EGFLAM: variants seen among roughly 807,000 people sequenced by gnomAD.
EGFLAM encodes EGF like, fibronectin type III and laminin G domains.
A neutral mutation model predicts 113.1 loss-of-function variants in EGFLAM; 79 were observed. The ratio of observed to expected loss-of-function variants is 0.70; its 90% CI spans 0.58 to 0.84. The LOEUF (loss-of-function observed/expected upper bound fraction) is 0.84, where lower values mean the gene tolerates loss of function less well. EGFLAM is among the 40% of genes least tolerant of loss of function. The pLI, the probability that EGFLAM is intolerant of heterozygous loss-of-function variation, is 0.00. For synonymous variants in EGFLAM, 504 were observed against 487.6 expected, an observed-to-expected ratio of 1.03 and a Z score of -0.44; for missense variants, 1,265 against 1,291.6, an observed-to-expected ratio of 0.98 and a Z score of 0.32.
intron 12 of EGFLAM, among the ~76,000 whole-genome samples, chr5:38,422,808 G>A (rs1217628486): frequency 6.6e-6 from 1 of 152,146 alleles, no homozygotes; most frequent in African/African-American, 2.4e-5. Flanking sequence ...TATCTTGCCT[G>A]TATTGAAAGT....
Position 38,304,127 on chromosome 5 carries a change from TAA to T in EGFLAM, c.98-33380_98-33379del, listed in dbSNP as rs10718399. On this transcript the variant is annotated intron_variant, in intron 1 of 21. Transcript: ENST00000322350. ...CTGGGCAACAAGAACAAAACTCCAT[TAA>T]AAAAAAAAAAAAGAAAGAAAGAAAA... is the stretch of plus-strand genomic sequence containing the variant. Among the ~76,000 whole-genome samples, 574 of 142,736 alleles carry T rather than the reference TAA, an allele frequency of 4.0e-3. 13 individuals are homozygous for T. Among genetic ancestry groups the T allele is most frequent in the Middle Eastern group, 7.0e-3 (2 of 284 alleles). The allele number at this position is 142,736 out of a possible 152,430, so 93.6% of individuals were successfully genotyped here.
intron 6 of EGFLAM, chr5:38,403,755 A>G: frequency 6.4e-7 from 1 of 1,562,328 alleles, no homozygotes; most frequent in Non-Finnish European, 8.7e-7. Context: ...CAGAAAGCAA[A>G]AATACAGATA....
chr5:38,353,708 G>A (rs1418757860), intron 5 of EGFLAM, among the ~76,000 whole-genome samples: 1 of 152,226 alleles, frequency 6.6e-6, no homozygotes, highest in Admixed American at 6.5e-5. Context: ...GAAAAGTCCA[G>A]CAGCAAATCT....
chr5:38,413,683 G>A (rs1741556473), intron 11 of EGFLAM, among the ~76,000 whole-genome samples: 1 of 152,164 alleles, frequency 6.6e-6, no homozygotes, highest in African/African-American at 2.4e-5. Context: ...GAAAGCCTTT[G>A]TTTATATGTC....
intron 6 of EGFLAM, among the ~76,000 whole-genome samples, chr5:38,381,499 C>T (rs890441616): frequency 2.0e-5 from 3 of 152,120 alleles, no homozygotes; most frequent in African/African-American, 7.2e-5. Flanking sequence ...CTAGGGATCT[C>T]AGTAGTCATC....
At chr5:38,278,659 T>G (rs1757945224) in intron 1 of EGFLAM, among the ~76,000 whole-genome samples, 1 of 152,110 alleles carries the variant, frequency 6.6e-6, no homozygotes, top group Non-Finnish European at 1.5e-5. Flanking sequence ...TGGCTAATTT[T>G]TGTACTTTTA....
chr5:38,376,485 A>G (rs141518092), intron 6 of EGFLAM, among the ~76,000 whole-genome samples: 260 of 152,302 alleles, frequency 1.7e-3, no homozygotes, highest in African/African-American at 6.1e-3. Context: ...CACTGAAGTG[A>G]ATTGGTGTCC....
intron 12 of EGFLAM, among the ~76,000 whole-genome samples, chr5:38,424,749 A>G (rs1472193776): frequency 2.6e-5 from 4 of 152,212 alleles, no homozygotes; most frequent in East Asian, 1.9e-4. Flanking sequence ...TAAAGTCTCT[A>G]TGGCTCTTCA....
intron 13 of EGFLAM, 43 bp downstream of exon 13, chr5:38,425,135 A>T: frequency 6.2e-7 from 1 of 1,601,808 alleles, no homozygotes; most frequent in Non-Finnish European, 8.5e-7. Context: ...TCTGCATGTT[A>T]ATTTGTGTAG....
intron 19 of EGFLAM, among the ~76,000 whole-genome samples, chr5:38,456,103 A>G (rs1206785112): frequency 6.6e-6 from 1 of 152,180 alleles, no homozygotes; most frequent in Non-Finnish European, 1.5e-5. Context: ...TCAACCCCGT[A>G]TCCAAGCTGC....
At chr5:38,400,557 C>T (rs759719127) in intron 6 of EGFLAM, among the ~76,000 whole-genome samples, 2 of 152,176 alleles carry the variant, frequency 1.3e-5, no homozygotes, top group Admixed American at 6.5e-5. Flanking sequence ...TTGGTAAAAA[C>T]TTCCTGTAAG....
rs184947507 is a variant in EGFLAM at position 38,354,771 on chromosome 5, G to T, written c.545+2440G>T. Among the ~76,000 whole-genome samples, 135 of 152,248 alleles carry T rather than the reference G, an allele frequency of 8.9e-4. No homozygotes were observed. In the Middle Eastern group the frequency reaches 0.01, roughly 12 times the overall value. On this transcript the variant is annotated intron_variant, in intron 5 of 21. Coordinates refer to ENST00000322350, the MANE Select transcript of EGFLAM (RefSeq NM_152403.4). ...GTTTTTTATGTTTTTATGGTAGCCT[G>T]GCAGATAATCTGTGTAACCCTGAGC...
chr5:38,396,914 C>A (rs955604374), intron 6 of EGFLAM, among the ~76,000 whole-genome samples: 1 of 152,226 alleles, frequency 6.6e-6, no homozygotes, highest in South Asian at 2.1e-4. Flanking sequence ...TCCACGGCCC[C>A]GTTATCTTTA....
intron 6 of EGFLAM, among the ~76,000 whole-genome samples, chr5:38,392,228 A>G (rs1451683504): frequency 6.6e-6 from 1 of 152,182 alleles, no homozygotes; most frequent in Non-Finnish European, 1.5e-5. Flanking sequence ...CTGTTTCTAC[A>G]TTAGTTTACT....
intron 1 of EGFLAM, among the ~76,000 whole-genome samples, chr5:38,275,183 C>A (rs13161705): frequency 0.41 from 62,889 of 151,890 alleles, 13,546 homozygotes; most frequent in Middle Eastern, 0.56. Flanking sequence ...GGAAAGATCT[C>A]CTAGAAAACA....
intron 6 of EGFLAM, among the ~76,000 whole-genome samples, chr5:38,373,906 C>T (rs1199765757): frequency 6.6e-6 from 1 of 152,184 alleles, no homozygotes; most frequent in Admixed American, 6.5e-5. Flanking sequence ...CTTTTCTCCA[C>T]AGTCATGCCG....
chr5:38,295,820 G>A (rs953260630), intron 1 of EGFLAM, among the ~76,000 whole-genome samples: 8 of 152,134 alleles, frequency 5.3e-5, no homozygotes, highest in African/African-American at 1.7e-4. Context: ...AATTGATAGT[G>A]GGTTAAAAGA....
chr5:38,347,126 C>T (rs1382566612), intron 3 of EGFLAM, among the ~76,000 whole-genome samples: 1 of 152,122 alleles, frequency 6.6e-6, no homozygotes, highest in African/African-American at 2.4e-5. Flanking sequence ...CCTGGAGGTG[C>T]TAATCCAAGG....
At chr5:38,458,481 G>C (rs1054524127) in intron 20 of EGFLAM, 87 bp downstream of exon 20, 23 of 1,336,692 alleles carry the variant, frequency 1.7e-5, no homozygotes, top group Non-Finnish European at 2.4e-5. Flanking sequence ...CCACTGTCCT[G>C]TTCCCCAACT....
Sources: gnomAD v4.1 joint callset for allele counts (sites outside exome capture counted in the v4.1 genomes callset) on GRCh38, gnomAD v4.1.1 for gene constraint, MANE v1.5 for transcripts, NCBI Gene and HGNC (gene_info 2026-07-23, HGNC 2026-07-21) for gene names.